Variants in ROBO2 observed in about 807,000 individuals in gnomAD.
The protein encoded by ROBO2 is roundabout homolog 2.
In ROBO2, 53 loss-of-function variants were observed where a neutral mutation model predicts 160.8. The observed-to-expected ratio is 0.33, with a 90% CI of 0.26 to 0.41. The LOEUF (loss-of-function observed/expected upper bound fraction) is 0.41, where lower values mean the gene tolerates loss of function less well. Among genes scored for constraint, ROBO2 ranks in the 10% least tolerant of loss-of-function variants. The pLI, the probability that ROBO2 is intolerant of heterozygous loss-of-function variation, is 1.00. For synonymous variants in ROBO2, 664 were observed against 611.7 expected, an observed-to-expected ratio of 1.09 and a Z score of -1.26; for missense variants, 1,577 against 1,722.4, an observed-to-expected ratio of 0.92 and a Z score of 1.49.
chr3:76,116,537 C>T (rs2070479788), intron 2 of ROBO2, among the ~76,000 whole-genome samples: 1 of 152,102 alleles, frequency 6.6e-6, no homozygotes, highest in South Asian at 2.1e-4. Context: ...CTTTCAGTTG[C>T]TAAGTTTATT....
At chr3:76,808,958 T>G (rs1220679416) in intron 2 of ROBO2, among the ~76,000 whole-genome samples, 1 of 152,144 alleles carries the variant, frequency 6.6e-6, no homozygotes, top group East Asian at 1.9e-4. Flanking sequence ...AGGTAGGATC[T>G]TGGCTCTCCC....
intron 20 of ROBO2, 138 bp from the exon 22 acceptor site, chr3:77,607,660 T>C: frequency 2.5e-6 from 2 of 788,718 alleles, no homozygotes; most frequent in Non-Finnish European, 4.2e-6. Context: ...TCTGATTATA[T>C]CATTTCATTG....
At chr3:77,173,544 A>G (rs1579632208) in intron 2 of ROBO2, among the ~76,000 whole-genome samples, 4 of 152,058 alleles carry the variant, frequency 2.6e-5, no homozygotes, top group South Asian at 4.1e-4. Context: ...TGGCCACTTA[A>G]TAATCATGTG....
intron 2 of ROBO2, among the ~76,000 whole-genome samples, chr3:77,244,877 C>CAAAAAAAAA (rs372239209): frequency 9.1e-6 from 1 of 109,466 alleles, no homozygotes; most frequent in African/African-American, 3.7e-5. Flanking sequence ...AACTTAGTCT[C>CAAAAAAAAA]AAAAAAAAAA....
chr3:77,481,647 G>T (rs937626632), intron 4 of ROBO2, among the ~76,000 whole-genome samples: 2 of 152,116 alleles, frequency 1.3e-5, no homozygotes, highest in African/African-American at 4.8e-5. Context: ...TCAAACTGAA[G>T]TATTTATAAT....
intron 2 of ROBO2, among the ~76,000 whole-genome samples, chr3:76,004,250 G>A (rs1300578619): frequency 6.6e-6 from 1 of 152,026 alleles, no homozygotes; most frequent in African/African-American, 2.4e-5. Context: ...AATCTCCAAA[G>A]CATTAAGTAA....
intron 4 of ROBO2, among the ~76,000 whole-genome samples, chr3:77,486,571 G>T (rs949137518): frequency 6.6e-6 from 1 of 152,112 alleles, no homozygotes; most frequent in Non-Finnish European, 1.5e-5. Context: ...CTTCTTTTGA[G>T]AAGTGTCTGT....
At chr3:77,631,360 T>G (rs1213096381) in intron 23 of ROBO2, 1 of 152,206 alleles carries the variant, frequency 6.6e-6, no homozygotes, top group East Asian at 1.9e-4. Context: ...CTGTTGTTGC[T>G]TAAATATTAC....
chr3:77,254,743 T>G (rs900519546), intron 2 of ROBO2, among the ~76,000 whole-genome samples: 10 of 152,220 alleles, frequency 6.6e-5, no homozygotes, highest in Admixed American at 5.9e-4. Context: ...AGGCACTTAT[T>G]TCACTTACTT....
chr3:76,133,720 AG>A (rs1181848211), intron 2 of ROBO2, among the ~76,000 whole-genome samples: 1 of 152,168 alleles, frequency 6.6e-6, no homozygotes, highest in Non-Finnish European at 1.5e-5. Context: ...GGAAGCACCC[AG>A]CATGGGAGAA....
intron 2 of ROBO2, among the ~76,000 whole-genome samples, chr3:76,104,277 A>C (rs908753621): frequency 6.6e-6 from 1 of 152,234 alleles, no homozygotes; most frequent in Non-Finnish European, 1.5e-5. Context: ...GGAGATCTAG[A>C]GTCAAAGTAC....
chr3:77,451,352 T>C (rs1357441464), intron 2 of ROBO2, among the ~76,000 whole-genome samples: 1 of 152,142 alleles, frequency 6.6e-6, no homozygotes, highest in Non-Finnish European at 1.5e-5. Flanking sequence ...AGAAATAAAA[T>C]TCCTCCTCCC....
At chr3:76,382,578 C>A (rs1258994424) in intron 2 of ROBO2, among the ~76,000 whole-genome samples, 1 of 152,252 alleles carries the variant, frequency 6.6e-6, no homozygotes, top group African/African-American at 2.4e-5. Context: ...CAGAGCGAGA[C>A]TCCGTCTCAA....
At chr3:76,867,920 T>C (rs1182005047) in intron 2 of ROBO2, among the ~76,000 whole-genome samples, 1 of 152,230 alleles carries the variant, frequency 6.6e-6, no homozygotes, top group Non-Finnish European at 1.5e-5. Context: ...ATGCATTTCA[T>C]GCCAAGGATT....
At chr3:76,127,160 T>C (rs1390295312) in intron 2 of ROBO2, among the ~76,000 whole-genome samples, 1 of 152,168 alleles carries the variant, frequency 6.6e-6, no homozygotes, top group African/African-American at 2.4e-5. Flanking sequence ...TGTGGGACAG[T>C]CTGTAAGCCT....
In ROBO2 at chr3:75,922,025, G is replaced by T. The variant is rs576508130; in HGVS notation, c.-14+15065G>T. On this transcript the variant is annotated intron_variant, in intron 1 of 26. Transcript: ENST00000487694. ...CCATCCACCCTTTTACAGGGTAGTG[G>T]TGGGGAAGAAGAACTGACTGTCATG... 1.1e-4 allele frequency among the ~76,000 whole-genome samples: 17 copies of T among 152,278 alleles called. No individual in the cohort carries two copies. The South Asian group carries it at 3.3e-3, about 30-fold the overall frequency.
intron 2 of ROBO2, among the ~76,000 whole-genome samples, chr3:76,791,987 C>A (rs1303721356): frequency 6.6e-6 from 1 of 151,852 alleles, no homozygotes; most frequent in African/African-American, 2.4e-5. Flanking sequence ...ATTACTTTGG[C>A]ATTTGCCAAC....
chr3:76,037,156 T>C (rs566576948), intron 2 of ROBO2, among the ~76,000 whole-genome samples: 1 of 152,160 alleles, frequency 6.6e-6, no homozygotes, highest in South Asian at 2.1e-4. Flanking sequence ...TTCAGAATTA[T>C]TTACTCATCT....
intron 2 of ROBO2, among the ~76,000 whole-genome samples, chr3:76,886,281 C>G (rs552008664): frequency 6.6e-6 from 1 of 151,370 alleles, no homozygotes; most frequent in Non-Finnish European, 1.5e-5. Context: ...TATATAGACC[C>G]TTTGGATTGC....
Sources: allele counts gnomAD v4.1 joint callset (sites outside exome capture counted in the v4.1 genomes callset), GRCh38; gene constraint gnomAD v4.1.1; transcripts MANE v1.5; gene names NCBI Gene and HGNC (gene_info 2026-07-23, HGNC 2026-07-21).